RPTOR: variants seen among roughly 807,000 people sequenced by gnomAD.
RPTOR encodes the protein regulatory associated protein of MTOR complex 1, also known as regulatory-associated protein of mTOR.
RPTOR carries 21 observed loss-of-function variants against 169.9 expected under a neutral mutation model. The ratio of observed to expected loss-of-function variants is 0.12; its 90% CI spans 0.09 to 0.18. The LOEUF (loss-of-function observed/expected upper bound fraction) is 0.18, where lower values mean the gene tolerates loss of function less well. Among genes scored for constraint, RPTOR ranks in the 10% least tolerant of loss-of-function variants. The pLI is 1.00. For missense variants in RPTOR, 1,133 were observed against 1,855.9 expected (o/e 0.61, Z 7.16); for synonymous variants, 732 against 753.2 (o/e 0.97, Z 0.46).
chr17:80,839,742 C>G (rs1194406476), intron 10 of RPTOR, among the ~76,000 whole-genome samples: 1 of 152,232 alleles, frequency 6.6e-6, no homozygotes, highest in African/African-American at 2.4e-5. Flanking sequence ...TTTCTGTACT[C>G]TGAGCGTGGC....
chr17:80,842,052 ACACT>A (rs1418027665), intron 10 of RPTOR, among the ~76,000 whole-genome samples: 4 of 152,274 alleles, frequency 2.6e-5, no homozygotes, highest in Admixed American at 2.0e-4. Context: ...ACGGCAGCTC[ACACT>A]CACGGCGCTG....
intron 6 of RPTOR, among the ~76,000 whole-genome samples, chr17:80,774,764 A>T (rs1296057576): frequency 6.6e-6 from 1 of 152,190 alleles, no homozygotes; most frequent in East Asian, 1.9e-4. Flanking sequence ...CACATCCCGC[A>T]GTGTTTCCTG....
chr17:80,883,380 A>T (rs368090813), intron 14 of RPTOR, 39 bp from the exon 15 acceptor site: 496 of 1,594,376 alleles, frequency 3.1e-4, no homozygotes, highest in Non-Finnish European at 4.0e-4. Flanking sequence ...GAGAGTTTCC[A>T]CTGAGGGGAG....
At position 80,845,281 on chromosome 17, in the gene RPTOR, T is replaced by C. The variant is rs74595227; in HGVS notation, c.1213-1192T>C. Among the ~76,000 whole-genome samples the C allele has an allele frequency of 0.017, 2,591 of 152,250 alleles. 68 individuals are homozygous for C. Among genetic ancestry groups the C allele is most frequent in the African/African-American group, 0.06 (2,490 of 41,534 alleles). Reference sequence around the variant, plus strand: ...CCCGGTGTGGCCCACGGAGAACTCGTGTCACCCCCTCGAGGGGCCCTGATG... The same window carrying C: ...CCCGGTGTGGCCCACGGAGAACTCGCGTCACCCCCTCGAGGGGCCCTGATG... On this transcript the variant is annotated intron_variant, in intron 10 of 33. Coordinates refer to ENST00000306801, the MANE Select transcript of RPTOR (RefSeq NM_020761.3). The surrounding 1 kb of genome is among the most constrained non-coding windows in gnomAD (Gnocchi z 5.4).
chr17:80,658,299 G>T (rs1356338360), intron 3 of RPTOR, among the ~76,000 whole-genome samples: 2 of 152,106 alleles, frequency 1.3e-5, no homozygotes, highest in South Asian at 4.1e-4. Context: ...TTCTTTTAGG[G>T]TGAGGCTGCC....
At chr17:80,556,857 G>A (rs1025352440) in intron 1 of RPTOR, among the ~76,000 whole-genome samples, 2 of 152,046 alleles carry the variant, frequency 1.3e-5, no homozygotes, top group Admixed American at 1.3e-4. Context: ...ACTTTGGGAG[G>A]TCGAGGCGGG....
chr17:80,857,147 C>T (rs1175114511), intron 12 of RPTOR, among the ~76,000 whole-genome samples: 2 of 152,266 alleles, frequency 1.3e-5, no homozygotes, highest in African/African-American at 4.8e-5. Flanking sequence ...GCATCCTCCA[C>T]ACTGCAGTGC....
intron 20 of RPTOR, among the ~76,000 whole-genome samples, chr17:80,901,154 G>A (rs2068471472): frequency 6.6e-6 from 1 of 152,178 alleles, no homozygotes; most frequent in Admixed American, 6.5e-5. Context: ...TCTGTGATGA[G>A]TGAATGCCGT....
At chr17:80,795,335 T>C (rs1196856305) in intron 7 of RPTOR, among the ~76,000 whole-genome samples, 2 of 152,154 alleles carry the variant, frequency 1.3e-5, no homozygotes, top group Non-Finnish European at 2.9e-5. Flanking sequence ...CACCGTGGGA[T>C]GTTAGTCATT....
At chr17:80,606,257 G>A (rs1247612684) in intron 1 of RPTOR, among the ~76,000 whole-genome samples, 4 of 150,410 alleles carry the variant, frequency 2.7e-5, no homozygotes, top group African/African-American at 4.9e-5. Flanking sequence ...TGATCCACCC[G>A]CCTCGGCCTC....
At chr17:80,624,270 G>A (rs1194408730) in intron 1 of RPTOR, among the ~76,000 whole-genome samples, 1 of 152,084 alleles carries the variant, frequency 6.6e-6, no homozygotes, top group Admixed American at 6.6e-5. Context: ...TTGAATAAAT[G>A]GAGAACCATA....
chr17:80,677,390 G>T (rs2065868397), intron 3 of RPTOR, among the ~76,000 whole-genome samples: 1 of 152,130 alleles, frequency 6.6e-6, no homozygotes, highest in Non-Finnish European at 1.5e-5. Flanking sequence ...CATTTGAGAG[G>T]GATTTTGGCC....
At chr17:80,840,915 T>A (rs1479069207) in intron 10 of RPTOR, among the ~76,000 whole-genome samples, 16 of 89,374 alleles carry the variant, frequency 1.8e-4, no homozygotes, top group East Asian at 1.1e-3. Flanking sequence ...GGCAGCTCAC[T>A]CTCACCACAC....
intron 13 of RPTOR, among the ~76,000 whole-genome samples, chr17:80,866,123 TAA>T (rs1288099385): frequency 2.7e-5 from 4 of 150,096 alleles, no homozygotes; most frequent in East Asian, 1.9e-4. Flanking sequence ...ATAGATATTA[TAA>T]GTCGTGAATA....
intron 24 of RPTOR, among the ~76,000 whole-genome samples, chr17:80,929,231 G>A (rs1461839715): frequency 1.3e-5 from 2 of 152,182 alleles, no homozygotes; most frequent in Admixed American, 1.3e-4. Flanking sequence ...GATCCAAAAG[G>A]TAAAATAATC....
chr17:80,696,919 T>C lies in RPTOR; in HGVS notation c.349-10922T>C, dbSNP rs146939125. Among the ~76,000 whole-genome samples the C allele has an allele frequency of 4.9e-3, 743 of 152,288 alleles. 8 individuals are homozygous for C. Among genetic ancestry groups the C allele is most frequent in the African/African-American group, 0.017 (712 of 41,558 alleles). Reference sequence around the variant, plus strand: ...TAGTGTGCTCATTAGCTCTTTTAGTTCTTCCATCCACAGTCCAACAGATGG... The same window carrying C: ...TAGTGTGCTCATTAGCTCTTTTAGTCCTTCCATCCACAGTCCAACAGATGG... On this transcript the variant is annotated intron_variant, in intron 3 of 33. Transcript: ENST00000306801.
At chr17:80,847,267 A>G (rs373120219) in intron 11 of RPTOR, among the ~76,000 whole-genome samples, 1 of 152,302 alleles carries the variant, frequency 6.6e-6, no homozygotes, top group East Asian at 1.9e-4. Context: ...TGACCTGTTC[A>G]TGGGTTGGGA....
chr17:80,626,774 G>T (rs986629633), intron 2 of RPTOR, among the ~76,000 whole-genome samples: 7 of 82,376 alleles, frequency 8.5e-5, no homozygotes, highest in African/African-American at 3.6e-4. Context: ...TACCATTCTA[G>T]GAATTATTAT....
intron 6 of RPTOR, among the ~76,000 whole-genome samples, chr17:80,788,718 G>C (rs545467272): frequency 6.6e-6 from 1 of 152,262 alleles, no homozygotes; most frequent in African/African-American, 2.4e-5. Context: ...CACAGAATGT[G>C]ACGATTAAAA....
Sources: allele counts gnomAD v4.1 joint callset (sites outside exome capture counted in the v4.1 genomes callset), GRCh38; gene constraint gnomAD v4.1.1; non-coding constraint Gnocchi (gnomAD v3.1); transcripts MANE v1.5; gene names NCBI Gene and HGNC (gene_info 2026-07-23, HGNC 2026-07-21).